Variants in TOP1 observed in about 807,000 individuals in gnomAD.
The protein encoded by TOP1 is DNA topoisomerase I, also known as DNA topoisomerase 1.
A neutral mutation model predicts 111.1 loss-of-function variants in TOP1; 10 were observed. That is an observed-to-expected ratio of 0.09 (90% CI 0.06 to 0.15). The LOEUF (loss-of-function observed/expected upper bound fraction) is 0.15, where lower values mean the gene tolerates loss of function less well. TOP1 is among the 10% of genes least tolerant of loss of function. TOP1 has a pLI of 1.00. For synonymous variants in TOP1, 271 were observed against 302.9 expected (o/e 0.89, Z 1.10); for missense variants, 474 against 926.7 (o/e 0.51, Z 6.34).
intron 2 of TOP1, among the ~76,000 whole-genome samples, chr20:41,039,443 A>G (rs1474241359): frequency 6.6e-6 from 1 of 152,200 alleles, no homozygotes; most frequent in Non-Finnish European, 1.5e-5. Flanking sequence ...TGGATTTCCA[A>G]AGATTTCCAA....
intron 9 of TOP1, among the ~76,000 whole-genome samples, chr20:41,096,797 C>T (rs2033989175): frequency 6.6e-6 from 1 of 152,194 alleles, no homozygotes; most frequent in Non-Finnish European, 1.5e-5. Context: ...CCACTCCCTG[C>T]CCTATCCCTT....
chr20:41,039,767 G>A (rs562391674), intron 2 of TOP1, among the ~76,000 whole-genome samples: 2 of 152,130 alleles, frequency 1.3e-5, no homozygotes, highest in Non-Finnish European at 2.9e-5. Flanking sequence ...AACTAGCCGG[G>A]CGTGGTGGCG....
intron 2 of TOP1, among the ~76,000 whole-genome samples, chr20:41,052,855 T>C (rs916516697): frequency 7.2e-5 from 11 of 152,086 alleles, no homozygotes; most frequent in African/African-American, 2.7e-4. Context: ...CTGGCCATGA[T>C]GGTATGCACC....
At position 41,097,485 on chromosome 20, in the gene TOP1, C is replaced by G. The variant is rs76273544; in HGVS notation, c.852+144C>G. ...GTATTTAAACTTGCGTATTTTTTGTCTTCATTTACTATATTATGTAGGGTT... is the reference window on the plus strand; with the variant it reads ...GTATTTAAACTTGCGTATTTTTTGTGTTCATTTACTATATTATGTAGGGTT... On this transcript the variant is annotated intron_variant, in intron 10 of 20. Coordinates refer to ENST00000361337, the MANE Select transcript of TOP1 (RefSeq NM_003286.4). The surrounding 1 kb of genome is among the most constrained non-coding windows in gnomAD (Gnocchi z 4.2). 9.8e-4 allele frequency: 797 copies of G among 810,526 alleles called. 6 individuals carry two copies. In the African/African-American group the frequency reaches 0.013, roughly 13 times the overall value. 50.2% of individuals were successfully genotyped at this position (810,526 alleles called of 1,614,324 possible). A position where few individuals can be genotyped will look rare whatever the true frequency, so the allele number is the denominator to read the frequency against.
Position 41,029,117 on chromosome 20 carries a change from C to A in TOP1, c.33+17C>A. On this transcript the variant is annotated intron_variant, in intron 1 of 20. Coordinates refer to ENST00000361337, the MANE Select transcript of TOP1 (RefSeq NM_003286.4). This position sits in a 1 kb window ranked among gnomAD's most constrained non-coding sequence, Gnocchi z 6.1. ...GATTCCCAGGTACGGCCCGGCCTGA[C>A]CCTGGCGGCCCCGGACCCCGGCCTG... 6.7e-7 allele frequency: 1 copy of A among 1,491,352 alleles called. No homozygotes were observed. Among genetic ancestry groups the A allele is most frequent in the Non-Finnish European group, 8.9e-7 (1 of 1,122,254 alleles). 92.4% of individuals were successfully genotyped at this position (1,491,352 alleles called of 1,614,324 possible).
chr20:41,091,811 G>A (rs549883795), intron 8 of TOP1, among the ~76,000 whole-genome samples: 2 of 151,970 alleles, frequency 1.3e-5, no homozygotes, highest in Non-Finnish European at 2.9e-5. Flanking sequence ...TGATCTGCCC[G>A]CCTCGGCCTC....
chr20:41,072,265 G>C (rs1443833910), intron 3 of TOP1: 1 of 984,492 alleles, frequency 1.0e-6, no homozygotes, highest in African/African-American at 1.8e-5. Flanking sequence ...GTATGGAAAA[G>C]TAGCAGGATC....
intron 13 of TOP1, among the ~76,000 whole-genome samples, chr20:41,107,965 T>G (rs186632252): frequency 7.2e-5 from 11 of 152,302 alleles, no homozygotes; most frequent in Admixed American, 2.6e-4. Context: ...AAGTGCTGGG[T>G]AGGCGTGAGC....
intron 2 of TOP1, among the ~76,000 whole-genome samples, chr20:41,055,889 C>T (rs2033464280): frequency 6.6e-6 from 1 of 152,160 alleles, no homozygotes; most frequent in Non-Finnish European, 1.5e-5. Flanking sequence ...CTAGGCCAGT[C>T]TTCTTGCCAT....
At position 41,063,343 on chromosome 20, in the gene TOP1, C is replaced by A. The variant is rs2033568874; in HGVS notation, c.155+1853C>A. Among the ~76,000 whole-genome samples, 2 of 152,152 alleles carry A rather than the reference C, an allele frequency of 1.3e-5. 1 individual carries two copies. Among genetic ancestry groups the A allele is most frequent in the South Asian group, 4.1e-4 (2 of 4,834 alleles). ...ATTTTCTTTATCCAATCCATCATTG[C>A]TGGGTACCTAGGTTGATTCCATGTC... is the stretch of plus-strand genomic sequence containing the variant. On this transcript the variant is annotated intron_variant, in intron 3 of 20. Transcript: ENST00000361337.
At chr20:41,041,547 A>T (rs1187076058) in intron 2 of TOP1, among the ~76,000 whole-genome samples, 2 of 151,654 alleles carry the variant, frequency 1.3e-5, no homozygotes, top group Admixed American at 6.6e-5. Context: ...TTCTCCCCCC[A>T]GCTGGTTGAA....
intron 2 of TOP1, among the ~76,000 whole-genome samples, chr20:41,055,031 C>T (rs1274039958): frequency 6.6e-6 from 1 of 152,182 alleles, no homozygotes; most frequent in African/African-American, 2.4e-5. Flanking sequence ...TTTAACTTAT[C>T]TGTCCTTAGG....
chr20:41,060,277 G>A (rs1187554087), intron 2 of TOP1, among the ~76,000 whole-genome samples: 3 of 152,168 alleles, frequency 2.0e-5, no homozygotes, highest in Admixed American at 6.5e-5. Context: ...AGGTGAATGG[G>A]TAAGTTACAG....
intron 2 of TOP1, among the ~76,000 whole-genome samples, chr20:41,048,409 A>T (rs1010042303): frequency 1.3e-5 from 2 of 152,222 alleles, no homozygotes; most frequent in African/African-American, 4.8e-5. Context: ...TCAAGCATTT[A>T]AAATTTTCCT....
Position 41,106,640 on chromosome 20 carries a change from T to C in TOP1, c.1308+5287T>C, listed in dbSNP as rs777637312. 6.6e-6 allele frequency among the ~76,000 whole-genome samples: 1 copy of C among 152,326 alleles called. No individual in the cohort carries two copies. Among genetic ancestry groups the C allele is most frequent in the East Asian group, 1.9e-4 (1 of 5,188 alleles). ...AAATTCTTATTTTTAAGTGATCTTA[T>C]AGTTTTTATTGCTAATGTGAATGAG... On this transcript the variant is annotated intron_variant, in intron 13 of 20. Transcript: ENST00000361337. This position sits in a 1 kb window ranked among gnomAD's most constrained non-coding sequence, Gnocchi z 4.3.
intron 8 of TOP1, among the ~76,000 whole-genome samples, chr20:41,085,601 T>C (rs933880122): frequency 1.3e-5 from 2 of 152,222 alleles, no homozygotes; most frequent in African/African-American, 4.8e-5. Flanking sequence ...ATTGACAGAT[T>C]TAATAGTTAG....
chr20:41,044,370 T>C (rs1438731737), intron 2 of TOP1, among the ~76,000 whole-genome samples: 2 of 152,238 alleles, frequency 1.3e-5, no homozygotes, highest in African/African-American at 2.4e-5. Context: ...CAGTGTTGTC[T>C]TCTATTAAGA....
Position 41,030,773 on chromosome 20 carries a change from T to A in TOP1, c.58+1318T>A, listed in dbSNP as rs1349810413. Among the ~76,000 whole-genome samples the A allele has an allele frequency of 6.6e-6, 1 of 152,194 alleles. No individual in the cohort carries two copies. The highest frequency in any genetic ancestry group is 6.5e-5 in the Admixed American group (1 of 15,282). On this transcript the variant is annotated intron_variant, in intron 2 of 20. Coordinates refer to ENST00000361337, the MANE Select transcript of TOP1 (RefSeq NM_003286.4). The surrounding 1 kb of genome is among the most constrained non-coding windows in gnomAD (Gnocchi z 4.1). ...TAATGTTGTAATCAGCAGTCCATCA[T>A]GTTAGCCTGCTCTACTGAGAGCAAC...
chr20:41,116,025 T>G lies in TOP1; in HGVS notation c.1708-253T>G, dbSNP rs1019440063. Reference sequence around the variant, plus strand: ...AGGTGGAGGCAGCAGTGAACCGAGATTGTACCACTGCACTCCAGGCTGGGT... The same window carrying G: ...AGGTGGAGGCAGCAGTGAACCGAGAGTGTACCACTGCACTCCAGGCTGGGT... On this transcript the variant is annotated intron_variant, in intron 16 of 20. Transcript: ENST00000361337. The surrounding 1 kb of genome is among the most constrained non-coding windows in gnomAD (Gnocchi z 5.6). Among the ~76,000 whole-genome samples the G allele has an allele frequency of 6.6e-6, 1 of 152,078 alleles. No homozygotes were observed. The highest frequency in any genetic ancestry group is 2.4e-5 in the African/African-American group (1 of 41,404).
Sources: gnomAD v4.1 joint callset for allele counts (sites outside exome capture counted in the v4.1 genomes callset) on GRCh38, gnomAD v4.1.1 for gene constraint, Gnocchi (gnomAD v3.1) non-coding constraint, MANE v1.5 for transcripts, NCBI Gene and HGNC (gene_info 2026-07-23, HGNC 2026-07-21) for gene names.